ANK1: variants seen among roughly 807,000 people sequenced by gnomAD.
ANK1 encodes the protein ankyrin 1, also known as ankyrin-1.
ANK1 carries 51 observed loss-of-function variants against 210.4 expected under a neutral mutation model. That is an observed-to-expected ratio of 0.24 (90% CI 0.19 to 0.31). The LOEUF is 0.31. Ranked by LOEUF, ANK1 falls within the 10% of genes least tolerant of loss-of-function variation. The pLI is 1.00. For synonymous variants in ANK1, 967 were observed against 1,025.9 expected (o/e 0.94, Z 1.10); for missense variants, 2,051 against 2,504.4 (o/e 0.82, Z 3.86).
At chr8:41,831,031 T>A (rs181774162) in intron 1 of ANK1, among the ~76,000 whole-genome samples, 169 of 152,258 alleles carry the variant, frequency 1.1e-3, no homozygotes, top group Non-Finnish European at 2.1e-3. Context: ...ACGGATCCCA[T>A]GAGAATAAGC....
intron 1 of ANK1, among the ~76,000 whole-genome samples, chr8:41,849,412 T>C (rs1332186547): frequency 4.0e-5 from 6 of 151,812 alleles, no homozygotes. Context: ...TAATCCCAGC[T>C]ACCAGGGAGG....
chr8:41,834,587 C>T (rs748153396), intron 1 of ANK1, among the ~76,000 whole-genome samples: 1 of 152,334 alleles, frequency 6.6e-6, no homozygotes, highest in Non-Finnish European at 1.5e-5. Context: ...TGCACAGGTG[C>T]GGCTGGACCT....
chr8:41,696,776 G>C lies in ANK1; in HGVS notation c.2638-3C>G. The stretch of plus-strand genomic sequence containing the variant: ...TCCTCATCATACTCTTTAGATGCCT[G>C]AGGAGAGAGAAAGGGTCCTCCTGTC... On this transcript the variant is annotated splice_region_variant and splice_polypyrimidine_tract_variant and intron_variant, in intron 24 of 42. Transcript: ENST00000289734. 1 of 1,599,242 alleles carries C rather than the reference G, an allele frequency of 6.3e-7. No individual in the cohort carries two copies. Among genetic ancestry groups the C allele is most frequent in the Non-Finnish European group, 8.5e-7 (1 of 1,179,468 alleles).
chr8:41,703,702 G>T (rs1823737196), intron 20 of ANK1, among the ~76,000 whole-genome samples: 1 of 151,592 alleles, frequency 6.6e-6, no homozygotes, highest in Non-Finnish European at 1.5e-5. Flanking sequence ...TGTTGCCCAC[G>T]CTGGTCTTGA....
Position 41,702,137 on chromosome 8 carries a change from G to C in ANK1, c.2303C>G (p.Thr768Ser). Residue 768 changes from threonine to serine, a missense_variant, in exon 21 of 43, where the codon ACC becomes AGC. Transcript: ENST00000289734. ...GCGCTTGGCTATGGCCAGAGGTGTG[G>C]TTCCATCCTGGGGAAAGAGCAGCCC... The part of the protein sequence containing the change: ...ASPNEVSSDG[T>S]TPLAIAKRLG... 1.9e-6 allele frequency: 3 copies of C among 1,614,096 alleles called. No homozygotes were observed. In the South Asian group the frequency reaches 3.3e-5, roughly 18 times the overall value.
At chr8:41,773,678 C>T (rs1160981347) in intron 1 of ANK1, among the ~76,000 whole-genome samples, 5 of 152,146 alleles carry the variant, frequency 3.3e-5, no homozygotes, top group Non-Finnish European at 7.3e-5. Context: ...ATATATCCGG[C>T]ATCTCCCCCT....
intron 2 of ANK1, among the ~76,000 whole-genome samples, chr8:41,743,908 C>T (rs904379336): frequency 3.9e-5 from 6 of 152,144 alleles, no homozygotes; most frequent in African/African-American, 1.4e-4. Flanking sequence ...GAGCAATGGG[C>T]TCATCGGGGG....
chr8:41,746,200 C>T (rs767844983), intron 2 of ANK1, among the ~76,000 whole-genome samples: 16 of 152,296 alleles, frequency 1.1e-4, no homozygotes, highest in South Asian at 4.1e-4. Flanking sequence ...CTTTCTAACC[C>T]GGATAGTTTA....
chr8:41,702,005 C>A (rs564592437), intron 21 of ANK1, 47 bp downstream of exon 21: 76 of 1,571,236 alleles, frequency 4.8e-5, no homozygotes, highest in Non-Finnish European at 6.4e-5. Flanking sequence ...CGCCTGTGCG[C>A]CAGGCTGAGT....
At chr8:41,849,233 C>T (rs1179407376) in intron 1 of ANK1, among the ~76,000 whole-genome samples, 1 of 152,214 alleles carries the variant, frequency 6.6e-6, no homozygotes, top group African/African-American at 2.4e-5. Flanking sequence ...CTGGAAGGGA[C>T]CTGTGCTCTT....
chr8:41,715,142 G>A, intron 14 of ANK1, 68 bp from the exon 15 acceptor site: 6 of 1,403,130 alleles, frequency 4.3e-6, no homozygotes, highest in Non-Finnish European at 6.1e-6. Flanking sequence ...AGGGCCCACA[G>A]CAAAGGAGGC....
rs148865023 is a variant in ANK1, at chr8:41,777,406, C to T, written c.28-19269G>A. Among the ~76,000 whole-genome samples the T allele has an allele frequency of 8.3e-4, 127 of 152,206 alleles. No homozygotes were observed. In the East Asian group the frequency reaches 0.023, roughly 28 times the overall value. On this transcript the variant is annotated intron_variant, in intron 1 of 42. Transcript: ENST00000289734. ...CCTGGCCAACATGGTGAAACCCCAT[C>T]TCTACTAAAAATACAAAAATTAGCC...
At chr8:41,842,148 G>A (rs183795363) in intron 1 of ANK1, among the ~76,000 whole-genome samples, 14 of 152,298 alleles carry the variant, frequency 9.2e-5, no homozygotes, top group African/African-American at 3.4e-4. Flanking sequence ...GGGTGGACAG[G>A]GCAGGAAGTA....
chr8:41,691,464 C>T (rs958154079), intron 31 of ANK1, among the ~76,000 whole-genome samples: 3 of 152,228 alleles, frequency 2.0e-5, no homozygotes, highest in African/African-American at 7.2e-5. Context: ...TGCACTTGTT[C>T]TCTGGGGCCC....
At chr8:41,664,898 C>T (rs1030025462) in intron 39 of ANK1, 8 of 1,614,106 alleles carry the variant, frequency 5.0e-6, no homozygotes, top group Non-Finnish European at 8.5e-7. Flanking sequence ...TGTCCAGCTC[C>T]TGGTGGATGT....
chr8:41,756,340 TTCACCA>T (rs1323020382), intron 2 of ANK1, among the ~76,000 whole-genome samples: 2 of 150,944 alleles, frequency 1.3e-5, no homozygotes, highest in Admixed American at 1.3e-4. Context: ...GAGACAGGGC[TTCACCA>T]TATTGGCCAG....
At chr8:41,760,092 C>A (rs2150715905) in intron 1 of ANK1, among the ~76,000 whole-genome samples, 1 of 152,328 alleles carries the variant, frequency 6.6e-6, no homozygotes, top group East Asian at 1.9e-4. Context: ...CATCTCAGAC[C>A]TTGCCCCCAG....
chr8:41,761,338 CACACAT>C (rs1272515666), intron 1 of ANK1, among the ~76,000 whole-genome samples: 1 of 150,902 alleles, frequency 6.6e-6, no homozygotes, highest in Non-Finnish European at 1.5e-5. Context: ...CACACACCTG[CACACAT>C]ACACATGCAC....
At chr8:41,692,935 C>T in intron 30 of ANK1, 59 bp from the exon 31 acceptor site, 5 of 1,572,758 alleles carry the variant, frequency 3.2e-6, no homozygotes, top group Non-Finnish European at 4.4e-6. Context: ...TCCTTTCCAT[C>T]CAGACGGGAG....
Sources: allele counts gnomAD v4.1 joint callset (sites outside exome capture counted in the v4.1 genomes callset), GRCh38; gene constraint gnomAD v4.1.1; transcripts MANE v1.5; gene names NCBI Gene and HGNC (gene_info 2026-07-23, HGNC 2026-07-21).